AJAP1: variants seen among roughly 807,000 people sequenced by gnomAD.
AJAP1 encodes adherens junction-associated protein 1.
A neutral mutation model predicts 35.0 loss-of-function variants in AJAP1; 5 were observed. The observed-to-expected ratio is 0.14, with a 90% CI of 0.07 to 0.30. The LOEUF (loss-of-function observed/expected upper bound fraction) is 0.30. AJAP1 is among the 10% of genes least tolerant of loss of function. The pLI is 1.00. For missense variants in AJAP1, 586 were observed against 571.0 expected (o/e 1.03, Z -0.27); for synonymous variants, 284 against 249.3 (o/e 1.14, Z -1.31).
At chr1:4,727,206 C>T (rs902889437) in intron 2 of AJAP1, among the ~76,000 whole-genome samples, 13 of 152,184 alleles carry the variant, frequency 8.5e-5, no homozygotes, top group African/African-American at 2.9e-4. Context: ...TGCATCTTTG[C>T]AGCCCAGCGG....
At chr1:4,744,745 C>T (rs1032623729) in intron 2 of AJAP1, among the ~76,000 whole-genome samples, 4 of 152,148 alleles carry the variant, frequency 2.6e-5, no homozygotes, top group Non-Finnish European at 5.9e-5. Context: ...CATGCAGACA[C>T]GAAACACAGG....
chr1:4,760,977 A>G (rs900072649), intron 2 of AJAP1, among the ~76,000 whole-genome samples: 5 of 152,232 alleles, frequency 3.3e-5, no homozygotes, highest in Admixed American at 3.3e-4. Context: ...TCCATGTGAA[A>G]TGTGCATTGA....
chr1:4,707,388 C>T (rs764258324), intron 1 of AJAP1, among the ~76,000 whole-genome samples: 12 of 152,180 alleles, frequency 7.9e-5, no homozygotes, highest in Non-Finnish European at 1.0e-4. Flanking sequence ...CAGAATATTT[C>T]GTCACCCCAT....
chr1:4,688,959 C>T (rs1488459906), intron 1 of AJAP1, among the ~76,000 whole-genome samples: 1 of 152,100 alleles, frequency 6.6e-6, no homozygotes, highest in African/African-American at 2.4e-5. Flanking sequence ...CTGCCCTGCT[C>T]ACTCACAGCG....
intron 1 of AJAP1, among the ~76,000 whole-genome samples, chr1:4,710,169 GAC>G (rs34058244): frequency 4.6e-5 from 7 of 151,704 alleles, no homozygotes; most frequent in African/African-American, 9.7e-5. Context: ...CTCTCACACA[GAC>G]ACACTCACAC....
intron 2 of AJAP1, among the ~76,000 whole-genome samples, chr1:4,739,254 G>A (rs527906373): frequency 6.6e-6 from 1 of 152,224 alleles, no homozygotes; most frequent in Admixed American, 6.5e-5. Flanking sequence ...TGCTCACAAT[G>A]CTGCAAACCT....
At chr1:4,726,255 C>T (rs1018381618) in intron 2 of AJAP1, among the ~76,000 whole-genome samples, 3 of 141,058 alleles carry the variant, frequency 2.1e-5, no homozygotes, top group East Asian at 2.1e-4. Flanking sequence ...TTAAGGCTGC[C>T]GTGCTTGTGC....
rs374785251 is a variant in AJAP1 at position 4,787,496 on chromosome 1, C to G, written c.*5011C>G. 1 of 327,958 alleles carries G rather than the reference C, an allele frequency of 3.0e-6. No individual in the cohort carries two copies. The highest frequency in any genetic ancestry group is 6.1e-6 in the Non-Finnish European group (1 of 164,226). The allele number at this position is 327,958 out of a possible 1,614,324, so 20.3% of individuals were successfully genotyped here. ...GAGGAAGAAGGCCTTAGTCTTAGCT[C>G]TTGGATAAAATGCAGTGCAGCACTG... is the stretch of plus-strand genomic sequence containing the variant. On this transcript the variant is annotated 3_prime_UTR_variant, in exon 6 of 6. Coordinates refer to ENST00000378191, the MANE Select transcript of AJAP1 (RefSeq NM_018836.4).
chr1:4,701,651 A>C (rs1359372950), intron 1 of AJAP1, among the ~76,000 whole-genome samples: 1 of 152,230 alleles, frequency 6.6e-6, no homozygotes, highest in Non-Finnish European at 1.5e-5. Flanking sequence ...GCAAACCTGA[A>C]TAGTGACAAC....
At chr1:4,778,337 C>T (rs1641980149) in intron 5 of AJAP1, among the ~76,000 whole-genome samples, 1 of 152,232 alleles carries the variant, frequency 6.6e-6, no homozygotes, top group African/African-American at 2.4e-5. Flanking sequence ...CTGGGATCCT[C>T]AGTCCTTCTC....
At chr1:4,728,313 C>T (rs1557628735) in intron 2 of AJAP1, among the ~76,000 whole-genome samples, 1 of 152,004 alleles carries the variant, frequency 6.6e-6, no homozygotes. Context: ...GCACGGGGCC[C>T]TTCCGATGGC....
At chr1:4,779,320 CT>C (rs920657963) in intron 5 of AJAP1, among the ~76,000 whole-genome samples, 2 of 151,502 alleles carry the variant, frequency 1.3e-5, no homozygotes, top group African/African-American at 4.9e-5. Context: ...GTGCAGGAGG[CT>C]TTTTTTCTTT....
rs1190975836 is a variant in AJAP1, at chr1:4,786,495, G to A, written c.*4010G>A. The A allele has an allele frequency of 6.6e-6, 1 of 152,172 alleles. No individual in the cohort carries two copies. Among genetic ancestry groups the A allele is most frequent in the Non-Finnish European group, 1.5e-5 (1 of 68,038 alleles). 9.4% of individuals were successfully genotyped at this position (152,172 alleles called of 1,614,324 possible). The stretch of plus-strand genomic sequence containing the variant: ...TTCAAAAATACGTGACTCTTTCACA[G>A]CCATATTTTAGCGTCAGGAAAAGCC... On this transcript the variant is annotated 3_prime_UTR_variant, in exon 6 of 6. Transcript: ENST00000378191.
At chr1:4,757,346 TCTGGGCTGGCTTCAG>T (rs1641456561) in intron 2 of AJAP1, among the ~76,000 whole-genome samples, 2 of 152,214 alleles carry the variant, frequency 1.3e-5, no homozygotes, top group African/African-American at 2.4e-5. Context: ...TGTTCGCTGA[TCTGGGCTGGCTTCAG>T]CTGGGGGCTA....
At chr1:4,683,007 C>T (rs1427715828) in intron 1 of AJAP1, among the ~76,000 whole-genome samples, 3 of 152,182 alleles carry the variant, frequency 2.0e-5, no homozygotes, top group Non-Finnish European at 4.4e-5. Context: ...CCAGTTGGCC[C>T]TTGGCCCCTT....
intron 2 of AJAP1, among the ~76,000 whole-genome samples, chr1:4,760,718 C>A (rs1391928625): frequency 6.6e-6 from 1 of 152,230 alleles, no homozygotes; most frequent in Non-Finnish European, 1.5e-5. Context: ...TCATTATATT[C>A]AATTCAGCAA....
intron 2 of AJAP1, among the ~76,000 whole-genome samples, chr1:4,733,422 CCATT>C (rs3835539): frequency 6.2e-5 from 9 of 145,156 alleles, no homozygotes; most frequent in African/African-American, 2.1e-4. Context: ...ACCTGTTCAA[CCATT>C]CATTCATTCA....
intron 1 of AJAP1, among the ~76,000 whole-genome samples, chr1:4,699,568 C>G (rs78451304): frequency 0.019 from 2,961 of 152,188 alleles, 77 homozygotes; most frequent in South Asian, 0.11. Flanking sequence ...GCGCTGTCAC[C>G]GGGAAACAGT....
chr1:4,771,837 A>G (rs1003613000), intron 3 of AJAP1, among the ~76,000 whole-genome samples: 21 of 152,226 alleles, frequency 1.4e-4, no homozygotes, highest in African/African-American at 5.1e-4. Context: ...TCCATTGTCC[A>G]TTCTGAGATG....
Sources: gnomAD v4.1 joint callset for allele counts (sites outside exome capture counted in the v4.1 genomes callset) on GRCh38, gnomAD v4.1.1 for gene constraint, MANE v1.5 for transcripts, NCBI Gene and HGNC (gene_info 2026-07-23, HGNC 2026-07-21) for gene names.